Variants in TMPRSS15 observed in about 807,000 individuals in gnomAD.
TMPRSS15 encodes the protein transmembrane serine protease 15.
Under a neutral mutation model 125.3 loss-of-function variants are expected in TMPRSS15, and 128 were observed. The observed-to-expected ratio is 1.02, with a 90% CI of 0.89 to 1.18. The LOEUF is 1.18. Ranked by LOEUF, TMPRSS15 falls within the 50% of genes most tolerant of loss-of-function variation. TMPRSS15 has a pLI of 0.00. For synonymous variants in TMPRSS15, 446 were observed against 423.2 expected (o/e 1.05, Z -0.66); for missense variants, 1,283 against 1,212.7 (o/e 1.06, Z -0.86).
In TMPRSS15 at chr21:18,343,492, A is replaced by G; in HGVS notation, c.1428+14T>C. The G allele has an allele frequency of 1.3e-6, 2 of 1,579,634 alleles. No individual in the cohort carries two copies. The highest frequency in any genetic ancestry group is 1.3e-5 in the African/African-American group (1 of 74,258). On this transcript the variant is annotated intron_variant, in intron 12 of 24. Transcript: ENST00000284885. ...AAAAGGATACAAATATAAATAATAAAGTATTTTGCAAACCTTAAATTTAAC... is the reference window on the plus strand; with the variant it reads ...AAAAGGATACAAATATAAATAATAAGGTATTTTGCAAACCTTAAATTTAAC...
chr21:18,301,498 G>C (rs2074972924), intron 18 of TMPRSS15, among the ~76,000 whole-genome samples: 1 of 152,130 alleles, frequency 6.6e-6, no homozygotes, highest in Non-Finnish European at 1.5e-5. Context: ...TGAATTCAGA[G>C]GAAATGTATT....
rs573372669 is a variant in TMPRSS15 at position 18,387,945 on chromosome 21, AATG to A, written c.345-4170_345-4168del. ...AATTAAAATAATTTATAAAGTTAAT[AATG>A]AGTCTTCTACTGTTTCCTATGAGTG... On this transcript the variant is annotated intron_variant, in intron 3 of 24. Coordinates refer to ENST00000284885, the MANE Select transcript of TMPRSS15 (RefSeq NM_002772.3). Among the ~76,000 whole-genome samples, 247 of 152,250 alleles carry A rather than the reference AATG, an allele frequency of 1.6e-3. 1 individual carries two copies. The highest frequency in any genetic ancestry group is 4.9e-3 in the African/African-American group (203 of 41,556).
chr21:18,342,500 G>C (rs1290579230), intron 12 of TMPRSS15, among the ~76,000 whole-genome samples: 1 of 152,106 alleles, frequency 6.6e-6, no homozygotes, highest in East Asian at 1.9e-4. Context: ...TGACTCTCTC[G>C]CACCACCTCA....
At chr21:18,331,084 A>T (rs938418605) in intron 14 of TMPRSS15, among the ~76,000 whole-genome samples, 8 of 151,794 alleles carry the variant, frequency 5.3e-5, no homozygotes, top group Non-Finnish European at 8.8e-5. Context: ...AAAAAAAAAA[A>T]AAAAAAAGAT....
intron 13 of TMPRSS15, among the ~76,000 whole-genome samples, chr21:18,339,715 G>T (rs949691632): frequency 6.6e-6 from 1 of 152,064 alleles, no homozygotes; most frequent in Non-Finnish European, 1.5e-5. Context: ...AACAAGTGTA[G>T]TGAAAAAATC....
intron 15 of TMPRSS15, among the ~76,000 whole-genome samples, chr21:18,327,979 G>A (rs932382333): frequency 2.6e-5 from 4 of 152,064 alleles, no homozygotes; most frequent in Non-Finnish European, 5.9e-5. Context: ...CTTAAACCAA[G>A]GAGATAGAGG....
intron 24 of TMPRSS15, among the ~76,000 whole-genome samples, chr21:18,273,319 A>G (rs2074582602): frequency 6.6e-6 from 1 of 152,242 alleles, no homozygotes; most frequent in South Asian, 2.1e-4. Context: ...ATAATGTATC[A>G]GTAATAACGT....
At chr21:18,459,027 G>A (rs1391971848) in intron 1 of TMPRSS15, among the ~76,000 whole-genome samples, 1 of 152,116 alleles carries the variant, frequency 6.6e-6, no homozygotes, top group South Asian at 2.1e-4. Flanking sequence ...TAGCATTTAC[G>A]TTTAAGTCAA....
chr21:18,429,758 G>A (rs1036483460), intron 1 of TMPRSS15, among the ~76,000 whole-genome samples: 1 of 152,254 alleles, frequency 6.6e-6, no homozygotes, highest in South Asian at 2.1e-4. Flanking sequence ...ACATGCCTAC[G>A]TAGATGTATG....
In TMPRSS15 at chr21:18,381,740, C is replaced by G. The variant is rs565743552; in HGVS notation, c.496+1887G>C. 4.6e-5 allele frequency among the ~76,000 whole-genome samples: 7 copies of G among 152,262 alleles called. No individual in the cohort carries two copies. The South Asian group carries it at 1.4e-3, about 32-fold the overall frequency. On this transcript the variant is annotated intron_variant, in intron 4 of 24. Transcript: ENST00000284885. ...ATCGTGAAAAAAAGTTTCAGCATAT[C>G]TGTCAATTTGCTTGCCAGAACAGAC... is the stretch of plus-strand genomic sequence containing the variant.
chr21:18,439,596 T>C (rs1223433730), intron 1 of TMPRSS15, among the ~76,000 whole-genome samples: 2 of 152,176 alleles, frequency 1.3e-5, no homozygotes, highest in African/African-American at 4.8e-5. Context: ...TCGTGTTTTA[T>C]AGAAATAGGG....
At chr21:18,482,496 C>T (rs1323612965) in intron 1 of TMPRSS15, among the ~76,000 whole-genome samples, 1 of 151,554 alleles carries the variant, frequency 6.6e-6, no homozygotes, top group African/African-American at 2.4e-5. Context: ...CTCAAATACC[C>T]TGACTGATCA....
intron 1 of TMPRSS15, among the ~76,000 whole-genome samples, chr21:18,426,696 C>T (rs2076203284): frequency 6.6e-6 from 1 of 152,096 alleles, no homozygotes; most frequent in African/African-American, 2.4e-5. Context: ...TTGAACTTCA[C>T]CTATGATATT....
In TMPRSS15 at chr21:18,421,496, G is replaced by C. The variant is rs138956155; in HGVS notation, c.11-23167C>G. Among the ~76,000 whole-genome samples the C allele has an allele frequency of 5.3e-5, 8 of 152,242 alleles. No homozygotes were observed. In the East Asian group the frequency reaches 1.5e-3, roughly 29 times the overall value. On this transcript the variant is annotated intron_variant, in intron 1 of 7. Transcript: ENST00000422787. Reference sequence around the variant, plus strand: ...TTAGAAAAGTTATTTGAGACCAGATGTTTCTATCCCTGGTCAGTTAACAAT... The same window carrying C: ...TTAGAAAAGTTATTTGAGACCAGATCTTTCTATCCCTGGTCAGTTAACAAT...
chr21:18,481,646 C>T (rs749949613), intron 1 of TMPRSS15, among the ~76,000 whole-genome samples: 1 of 151,602 alleles, frequency 6.6e-6, no homozygotes, highest in Non-Finnish European at 1.5e-5. Context: ...TCCTAATCAC[C>T]TACATATTTT....
intron 8 of TMPRSS15, among the ~76,000 whole-genome samples, chr21:18,357,016 C>CAA (rs2075631755): frequency 6.6e-6 from 1 of 151,784 alleles, no homozygotes; most frequent in South Asian, 2.1e-4. Flanking sequence ...ACTATGCACT[C>CAA]AGAGACACAA....
chr21:18,444,297 A>G (rs959769790), intron 1 of TMPRSS15, among the ~76,000 whole-genome samples: 1 of 152,234 alleles, frequency 6.6e-6, no homozygotes, highest in Non-Finnish European at 1.5e-5. Context: ...GGAATACTAC[A>G]TAACCATAAA....
chr21:18,313,553 A>G lies in TMPRSS15; in HGVS notation c.2033-476T>C, dbSNP rs192467082. On this transcript the variant is annotated intron_variant, in intron 17 of 24. Coordinates refer to ENST00000284885, the MANE Select transcript of TMPRSS15 (RefSeq NM_002772.3). ...AGACATTAAAGAGATTAGATTACAC[A>G]TGTGGTCATTTTGACCTAAATTGAT... is the stretch of plus-strand genomic sequence containing the variant. Among the ~76,000 whole-genome samples the G allele has an allele frequency of 5.9e-4, 90 of 152,004 alleles. 1 individual carries two copies. The East Asian group carries it at 0.011, about 18-fold the overall frequency.
intron 24 of TMPRSS15, among the ~76,000 whole-genome samples, chr21:18,274,138 C>G (rs2074592400): frequency 6.6e-6 from 1 of 152,112 alleles, no homozygotes; most frequent in African/African-American, 2.4e-5. Context: ...TATTAATTTT[C>G]AAATATAGAA....
Sources: allele counts gnomAD v4.1 joint callset (sites outside exome capture counted in the v4.1 genomes callset), GRCh38; gene constraint gnomAD v4.1.1; transcripts MANE v1.5; gene names NCBI Gene and HGNC (gene_info 2026-07-23, HGNC 2026-07-21).